KCNN3: variants seen among roughly 807,000 people sequenced by gnomAD.
KCNN3 encodes the protein small conductance calcium-activated potassium channel protein 3.
Under a neutral mutation model 62.9 loss-of-function variants are expected in KCNN3, and 16 were observed. That is an observed-to-expected ratio of 0.25 (90% CI 0.17 to 0.39). KCNN3 has a LOEUF of 0.39. KCNN3 is among the 10% of genes least tolerant of loss of function. The pLI, the probability that KCNN3 is intolerant of heterozygous loss-of-function variation, is 1.00. For synonymous variants in KCNN3, 370 were observed against 389.2 expected, an observed-to-expected ratio of 0.95 and a Z score of 0.58; for missense variants, 599 against 949.4, an observed-to-expected ratio of 0.63 and a Z score of 4.85.
At chr1:154,799,510 G>A (rs1031684732) in intron 2 of KCNN3, among the ~76,000 whole-genome samples, 1 of 152,182 alleles carries the variant, frequency 6.6e-6, no homozygotes, top group Admixed American at 6.5e-5. Context: ...GAAAACGAGG[G>A]CAGGCTGACC....
At chr1:154,868,926 CTCTCTCT>C in intron 1 of KCNN3, 99 bp downstream of exon 1, 1 of 1,093,764 alleles carries the variant, frequency 9.1e-7, no homozygotes, top group East Asian at 2.4e-5. Flanking sequence ...CTCTCTCTCT[CTCTCTCT>C]CTCAATCTCT....
chr1:154,828,894 C>T (rs147456024), intron 1 of KCNN3, among the ~76,000 whole-genome samples: 1 of 152,350 alleles, frequency 6.6e-6, no homozygotes, highest in East Asian at 1.9e-4. Context: ...TTCAGAAAGA[C>T]ACCTTTGCAA....
rs1214531371 is a variant in KCNN3, at chr1:154,775,717, CCCT to C, written c.1030-3327_1030-3325del. 2.0e-5 allele frequency among the ~76,000 whole-genome samples: 3 copies of C among 152,078 alleles called. No homozygotes were observed. In the East Asian group the frequency reaches 5.8e-4, roughly 29 times the overall value. Reference sequence around the variant, plus strand: ...CAGCACAGCACCAGCTGGAGACTCACCCTCCTCCTTCCCCAGTGCAGCTGAGCC... The same window carrying C: ...CAGCACAGCACCAGCTGGAGACTCACCCTCCTTCCCCAGTGCAGCTGAGCC... On this transcript the variant is annotated intron_variant, in intron 2 of 7. Coordinates refer to ENST00000271915, the MANE Select transcript of KCNN3 (RefSeq NM_002249.6).
chr1:154,780,187 T>C (rs1211725663), intron 2 of KCNN3, among the ~76,000 whole-genome samples: 1 of 114,952 alleles, frequency 8.7e-6, no homozygotes. Flanking sequence ...GCCTTTTTTC[T>C]TTTTTTCTTT....
At chr1:154,720,661 A>T (rs1218006877) in intron 5 of KCNN3, among the ~76,000 whole-genome samples, 3 of 152,252 alleles carry the variant, frequency 2.0e-5, no homozygotes. Flanking sequence ...TTCAGGAGAT[A>T]GTAGGTGGGG....
chr1:154,814,545 T>TA (rs1650578060), intron 2 of KCNN3, among the ~76,000 whole-genome samples: 1 of 152,132 alleles, frequency 6.6e-6, no homozygotes, highest in African/African-American at 2.4e-5. Flanking sequence ...CAGAGAGAGT[T>TA]CCTGGAGGAG....
chr1:154,791,834 G>A (rs749584288), intron 2 of KCNN3, among the ~76,000 whole-genome samples: 13 of 152,298 alleles, frequency 8.5e-5, no homozygotes, highest in Non-Finnish European at 1.9e-4. Flanking sequence ...TATGAATTTG[G>A]AAGGAAAAAC....
chr1:154,731,113 C>A (rs1211527266), intron 4 of KCNN3, among the ~76,000 whole-genome samples: 1 of 152,184 alleles, frequency 6.6e-6, no homozygotes, highest in Non-Finnish European at 1.5e-5. Flanking sequence ...CTACTGGCAA[C>A]CCTGCTCTGT....
rs372381828 is a variant in KCNN3, at chr1:154,704,333, C to G, written c.*3643G>C. The G allele has an allele frequency of 1.3e-5, 2 of 152,298 alleles. No individual in the cohort carries two copies. Among genetic ancestry groups the G allele is most frequent in the African/African-American group, 4.8e-5 (2 of 41,562 alleles). 9.4% of individuals were successfully genotyped at this position (152,298 alleles called of 1,614,324 possible). On this transcript the variant is annotated 3_prime_UTR_variant, in exon 8 of 8. Transcript: ENST00000271915. Reference sequence around the variant, plus strand: ...ATGAAGTTACGTATTAGGAAGATGGCAAGAGCAGTTCATAGACACTTTATG... The same window carrying G: ...ATGAAGTTACGTATTAGGAAGATGGGAAGAGCAGTTCATAGACACTTTATG...
intron 2 of KCNN3, among the ~76,000 whole-genome samples, chr1:154,799,748 C>A (rs1333272708): frequency 6.6e-6 from 1 of 152,208 alleles, no homozygotes. Flanking sequence ...GCCAGCTGAT[C>A]GTGGTCTGGA....
At chr1:154,810,147 C>T (rs74115880) in intron 2 of KCNN3, among the ~76,000 whole-genome samples, 4,006 of 152,176 alleles carry the variant, frequency 0.026, 188 homozygotes, top group African/African-American at 0.086. Flanking sequence ...GCTGCTGGCA[C>T]CTTACCATAG....
chr1:154,869,081 A>G lies in KCNN3; in HGVS notation c.884T>C (p.Ile295Thr). 1 of 1,614,102 alleles carries G rather than the reference A, an allele frequency of 6.2e-7. No individual in the cohort carries two copies. The change falls in exon 1 of 8, where the codon ATT becomes ACT. Residue 295 changes from isoleucine to threonine, a missense_variant. Transcript: ENST00000271915. This position sits in a 1 kb window ranked among gnomAD's most constrained non-coding sequence, Gnocchi z 6.1. ...CTCGGTCTCTATCACCATAACAACAATTCCAAACATCCCAAAAATCAGAGC... is the reference window on the plus strand; with the variant it reads ...CTCGGTCTCTATCACCATAACAACAGTTCCAAACATCCCAAAAATCAGAGC... ...DYALIFGMFGIVVMVIETELS... is the reference protein window; with the variant it reads ...DYALIFGMFGTVVMVIETELS...
intron 3 of KCNN3, among the ~76,000 whole-genome samples, chr1:154,749,618 G>T (rs1017315627): frequency 1.3e-5 from 2 of 152,216 alleles, no homozygotes; most frequent in Admixed American, 1.3e-4. Flanking sequence ...GGGACGTCAG[G>T]GCGAGTGGGA....
chr1:154,850,606 G>A (rs1262563223), intron 1 of KCNN3, among the ~76,000 whole-genome samples: 1 of 152,224 alleles, frequency 6.6e-6, no homozygotes, highest in Non-Finnish European at 1.5e-5. Flanking sequence ...GTGCACATGA[G>A]GCTGGTGATT....
chr1:154,817,678 C>G (rs1355021098), intron 2 of KCNN3, among the ~76,000 whole-genome samples: 1 of 152,210 alleles, frequency 6.6e-6, no homozygotes, highest in African/African-American at 2.4e-5. Context: ...TTTTATGATT[C>G]TGCCTGCTAG....
intron 1 of KCNN3, among the ~76,000 whole-genome samples, chr1:154,829,881 G>C (rs895992631): frequency 3.3e-5 from 5 of 152,136 alleles, no homozygotes; most frequent in African/African-American, 1.2e-4. Context: ...CATTGGCACT[G>C]CCCAGCTGGG....
At chr1:154,828,430 C>A (rs1361177361) in intron 1 of KCNN3, among the ~76,000 whole-genome samples, 1 of 151,970 alleles carries the variant, frequency 6.6e-6, no homozygotes, top group Non-Finnish European at 1.5e-5. Flanking sequence ...ACAAAACCCA[C>A]TCACACCATC....
Position 154,863,280 on chromosome 1 carries a change from C to T in KCNN3, c.933+5752G>A, listed in dbSNP as rs574635588. Among the ~76,000 whole-genome samples, 9 of 152,262 alleles carry T rather than the reference C, an allele frequency of 5.9e-5. No individual in the cohort carries two copies. In the South Asian group the frequency reaches 1.9e-3, roughly 32 times the overall value. On this transcript the variant is annotated intron_variant, in intron 1 of 7. Coordinates refer to ENST00000271915, the MANE Select transcript of KCNN3 (RefSeq NM_002249.6). ...TTCGCCTCCTCCGGACTTTCCTCAC[C>T]CGAAGAAAAGGCACTAGAATTTTCC...
chr1:154,758,903 G>A (rs1215432173), intron 3 of KCNN3, among the ~76,000 whole-genome samples: 1 of 152,106 alleles, frequency 6.6e-6, no homozygotes, highest in Admixed American at 6.5e-5. Context: ...CACCTCCTGA[G>A]TTCAAGCGAT....
Sources: gnomAD v4.1 joint callset for allele counts (sites outside exome capture counted in the v4.1 genomes callset) on GRCh38, gnomAD v4.1.1 for gene constraint, Gnocchi (gnomAD v3.1) non-coding constraint, MANE v1.5 for transcripts, NCBI Gene and HGNC (gene_info 2026-07-23, HGNC 2026-07-21) for gene names.